Variants in SGCZ observed in about 807,000 individuals in gnomAD.
SGCZ encodes zeta-sarcoglycan.
A neutral mutation model predicts 41.3 loss-of-function variants in SGCZ; 40 were observed. That is an observed-to-expected ratio of 0.97 (90% CI 0.75 to 1.26). The LOEUF is 1.26. Among genes scored for constraint, SGCZ ranks in the 50% most tolerant of loss-of-function variants. The probability of loss-of-function intolerance (pLI) is 0.00; values close to 1 mark genes in which losing one functional copy is unlikely to be tolerated. For synonymous variants in SGCZ, 206 were observed against 137.5 expected, an observed-to-expected ratio of 1.50 and a Z score of -3.49; for missense variants, 552 against 369.8, an observed-to-expected ratio of 1.49 and a Z score of -4.04.
chr8:14,204,091 T>G (rs1383368273), intron 4 of SGCZ, among the ~76,000 whole-genome samples: 1 of 151,988 alleles, frequency 6.6e-6, no homozygotes, highest in Non-Finnish European at 1.5e-5. Context: ...GATAAATAAC[T>G]CAGTCTCTGA....
chr8:14,309,063 C>T (rs1305813829), intron 3 of SGCZ: 2 of 1,400,028 alleles, frequency 1.4e-6, no homozygotes, highest in Non-Finnish European at 2.0e-6. Flanking sequence ...AATTCCCCAA[C>T]TACAGAAGAG....
At chr8:14,611,759 G>A (rs2117341583) in intron 1 of SGCZ, among the ~76,000 whole-genome samples, 1 of 152,016 alleles carries the variant, frequency 6.6e-6, no homozygotes, top group South Asian at 2.1e-4. Context: ...CAAAAGACTG[G>A]AAACAATACA....
At chr8:14,825,142 T>C (rs900151742) in intron 1 of SGCZ, among the ~76,000 whole-genome samples, 3 of 152,164 alleles carry the variant, frequency 2.0e-5, no homozygotes, top group African/African-American at 7.2e-5. Flanking sequence ...CTCTCTTAAA[T>C]TGATATTTCA....
At chr8:14,707,728 G>C (rs935514840) in intron 1 of SGCZ, among the ~76,000 whole-genome samples, 2 of 152,090 alleles carry the variant, frequency 1.3e-5, no homozygotes, top group Non-Finnish European at 2.9e-5. Flanking sequence ...ACAATTGTTA[G>C]AAAGAATAAT....
intron 1 of SGCZ, among the ~76,000 whole-genome samples, chr8:15,065,667 G>C (rs1805112259): frequency 6.6e-6 from 1 of 151,848 alleles, no homozygotes; most frequent in Non-Finnish European, 1.5e-5. Flanking sequence ...TCAAACTCAT[G>C]AGCTCAAGCA....
chr8:15,036,915 G>A (rs1294275418), intron 1 of SGCZ, among the ~76,000 whole-genome samples: 5 of 152,170 alleles, frequency 3.3e-5, no homozygotes, highest in East Asian at 3.9e-4. Flanking sequence ...GGGTTTATCC[G>A]AGGAATAAAA....
At position 14,551,480 on chromosome 8, in the gene SGCZ, T is replaced by A. The variant is rs1478578585; in HGVS notation, c.234+3252A>T. Among the ~76,000 whole-genome samples the A allele has an allele frequency of 7.1e-4, 10 of 14,104 alleles. 1 individual carries two copies. Among genetic ancestry groups the A allele is most frequent in the Non-Finnish European group, 1.2e-3 (10 of 8,154 alleles). 9.3% of individuals were successfully genotyped at this position (14,104 alleles called of 152,430 possible). On this transcript the variant is annotated intron_variant, in intron 2 of 7. Coordinates refer to ENST00000382080, the MANE Select transcript of SGCZ (RefSeq NM_139167.4). ...TTATATATATTATATATATTATATA[T>A]TATATATATTATATATATTATATAT...
In SGCZ at chr8:14,600,380, C is replaced by G. The variant is rs73664404; in HGVS notation, c.40-45454G>C. 2.2e-3 allele frequency among the ~76,000 whole-genome samples: 328 copies of G among 152,272 alleles called. 2 individuals are homozygous for G. Among genetic ancestry groups the G allele is most frequent in the African/African-American group, 7.5e-3 (311 of 41,550 alleles). ...CTCTGAAATCTGGGATCTATCATCTCTACTTGGATGAGTTGTGTACTCCAC... is the reference window on the plus strand; with the variant it reads ...CTCTGAAATCTGGGATCTATCATCTGTACTTGGATGAGTTGTGTACTCCAC... On this transcript the variant is annotated intron_variant, in intron 1 of 7. Coordinates refer to ENST00000382080, the MANE Select transcript of SGCZ (RefSeq NM_139167.4).
In SGCZ at chr8:14,100,667, T is replaced by C. The variant is rs529585613; in HGVS notation, c.744+1709A>G. 8.7e-5 allele frequency among the ~76,000 whole-genome samples: 13 copies of C among 150,250 alleles called. No individual in the cohort carries two copies. The East Asian group carries it at 2.5e-3, about 29-fold the overall frequency. ...CATTAGATTGCTAGATCACTTATGG[T>C]ATAATATCTGCTAACACTCTAATAT... is the stretch of plus-strand genomic sequence containing the variant. On this transcript the variant is annotated intron_variant, in intron 7 of 7. Coordinates refer to ENST00000382080, the MANE Select transcript of SGCZ (RefSeq NM_139167.4).
intron 2 of SGCZ, among the ~76,000 whole-genome samples, chr8:14,355,762 T>C (rs1803271408): frequency 6.6e-6 from 1 of 152,060 alleles, no homozygotes; most frequent in African/African-American, 2.4e-5. Flanking sequence ...ATACTCAGTG[T>C]ACCCAGTTGT....
At chr8:14,995,868 G>T (rs571180392) in intron 1 of SGCZ, among the ~76,000 whole-genome samples, 16 of 151,940 alleles carry the variant, frequency 1.1e-4, no homozygotes, top group Non-Finnish European at 1.2e-4. Context: ...TGCTTTTATG[G>T]CATCCGTTTC....
intron 1 of SGCZ, among the ~76,000 whole-genome samples, chr8:14,604,682 T>C (rs1805693581): frequency 6.6e-6 from 1 of 152,198 alleles, no homozygotes; most frequent in Non-Finnish European, 1.5e-5. Flanking sequence ...TAACCCATTA[T>C]AAACGCAGAC....
intron 1 of SGCZ, among the ~76,000 whole-genome samples, chr8:14,943,264 T>G (rs1800335548): frequency 6.6e-6 from 1 of 152,124 alleles, no homozygotes; most frequent in African/African-American, 2.4e-5. Context: ...GCTATATACT[T>G]CGAAAAAATA....
At chr8:14,415,507 G>A (rs9918752) in intron 2 of SGCZ, among the ~76,000 whole-genome samples, 103,503 of 151,588 alleles carry the variant, frequency 0.68, 35,437 homozygotes, top group East Asian at 0.83. Flanking sequence ...GAAATAAAGC[G>A]TTAAGTCAGA....
chr8:14,087,530 A>G lies in SGCZ; in HGVS notation c.*2913T>C, dbSNP rs1345750116. Among the ~76,000 whole-genome samples the G allele has an allele frequency of 6.6e-6, 1 of 151,592 alleles. No individual in the cohort carries two copies. Among genetic ancestry groups the G allele is most frequent in the Non-Finnish European group, 1.5e-5 (1 of 67,722 alleles). On this transcript the variant is annotated 3_prime_UTR_variant, in exon 8 of 8. Coordinates refer to ENST00000382080, the MANE Select transcript of SGCZ (RefSeq NM_139167.4). ...GTATGAAGTTATTAAGATACGGGTA[A>G]TAAGATAGCTTAGTCGCATCCATGT...
intron 1 of SGCZ, among the ~76,000 whole-genome samples, chr8:14,783,888 T>G (rs1800667962): frequency 6.6e-6 from 1 of 152,174 alleles, no homozygotes; most frequent in Admixed American, 6.5e-5. Context: ...AGTGGAAAGT[T>G]TCACAAGTTT....
In SGCZ at chr8:14,486,362, A is replaced by G. The variant is rs547159625; in HGVS notation, c.234+68370T>C. On this transcript the variant is annotated intron_variant, in intron 2 of 7. Transcript: ENST00000382080. ...GAGAAGAAATGGAGCAGAGCCTCCC[A>G]CTGGCCATGGATCCCTCAACTACTC... Among the ~76,000 whole-genome samples the G allele has an allele frequency of 3.3e-3, 497 of 152,306 alleles. 4 individuals are homozygous for G. Among genetic ancestry groups the G allele is most frequent in the Non-Finnish European group, 3.0e-3 (207 of 68,034 alleles).
chr8:14,737,974 TG>T (rs1227558985), intron 1 of SGCZ, among the ~76,000 whole-genome samples: 6 of 152,018 alleles, frequency 3.9e-5, no homozygotes, highest in African/African-American at 1.4e-4. Context: ...ACTTTACAGA[TG>T]AAGAAAGTAA....
chr8:14,874,960 A>T (rs760951122), intron 1 of SGCZ, among the ~76,000 whole-genome samples: 13 of 152,192 alleles, frequency 8.5e-5, no homozygotes, highest in Non-Finnish European at 1.8e-4. Context: ...AGTCTGACCT[A>T]ATCAGGTGCA....
Sources: gnomAD v4.1 joint callset for allele counts (sites outside exome capture counted in the v4.1 genomes callset) on GRCh38, gnomAD v4.1.1 for gene constraint, MANE v1.5 for transcripts, NCBI Gene and HGNC (gene_info 2026-07-23, HGNC 2026-07-21) for gene names.